Variants in TLE6 observed in about 807,000 individuals in gnomAD.
The protein encoded by TLE6 is TLE family member 6, subcortical maternal complex member, also known as transducin-like enhancer protein 6.
TLE6 carries 72 observed loss-of-function variants against 77.1 expected under a neutral mutation model. The ratio of observed to expected loss-of-function variants is 0.93; its 90% CI spans 0.77 to 1.14. The LOEUF is 1.14. TLE6 is among the 50% of genes most tolerant of loss of function. The probability of loss-of-function intolerance (pLI) is 0.00; values close to 1 mark genes in which losing one functional copy is unlikely to be tolerated. For missense variants in TLE6, 843 were observed against 747.6 expected (o/e 1.13, Z -1.49); for synonymous variants, 366 against 287.3 (o/e 1.27, Z -2.77).
chr19:2,981,231 G>T (rs947535155), intron 3 of TLE6, among the ~76,000 whole-genome samples: 11 of 151,212 alleles, frequency 7.3e-5, no homozygotes, highest in Non-Finnish European at 1.6e-4. Flanking sequence ...GTGGTGGCAG[G>T]TGTCTGTAAT....
rs1197434081 is a variant in TLE6 at position 2,995,001 on chromosome 19, C to T, written c.1716C>T (p.Tyr572=). 3 of 1,601,144 alleles carry T rather than the reference C, an allele frequency of 1.9e-6. No individual in the cohort carries two copies. Among genetic ancestry groups the T allele is most frequent in the African/African-American group, 1.3e-5 (1 of 74,736 alleles). The change falls in exon 17 of 17, where the codon TAC becomes TAT. Residue 572 remains tyrosine (Y), a synonymous_variant. Coordinates refer to ENST00000246112, the MANE Select transcript of TLE6 (RefSeq NM_001143986.2). ...ACGCCTCCGTGTACCAGATCACCTA[C>T]TGAGGGGCCTCGCTGCTGTCATCCC... The part of the protein sequence containing the change: ...GEHASVYQIT[Y]
chr19:2,992,813 G>GC (rs2089106461), intron 14 of TLE6, among the ~76,000 whole-genome samples: 1 of 44,320 alleles, frequency 2.3e-5, no homozygotes, highest in Non-Finnish European at 6.0e-5. Context: ...GCGGGTGGGG[G>GC]GGGGGGAGGA....
chr19:2,978,620 G>A (rs1407960296), intron 2 of TLE6, among the ~76,000 whole-genome samples: 1 of 152,242 alleles, frequency 6.6e-6, no homozygotes, highest in Middle Eastern at 3.4e-3. Flanking sequence ...GCTGGGCCTA[G>A]TGACGTGGGC....
chr19:2,980,653 T>C (rs2088779408), intron 3 of TLE6, among the ~76,000 whole-genome samples: 1 of 151,174 alleles, frequency 6.6e-6, no homozygotes, highest in African/African-American at 2.4e-5. Flanking sequence ...GGAGAATCTC[T>C]TGAACCCAGG....
chr19:2,980,337 G>A, intron 3 of TLE6, 155 bp downstream of exon 3: 1 of 507,292 alleles, frequency 2.0e-6, no homozygotes, highest in Non-Finnish European at 3.5e-6. Flanking sequence ...GGAGAACCCG[G>A]CAATACCCAT....
At position 2,987,389 on chromosome 19, in the gene TLE6, A is replaced by G; in HGVS notation, c.558+17A>G. ...CCAGGCCTGGTGAGTAAACAACCTC[A>G]GCTCTATCCAGAGGGGTGGGCTTCC... On this transcript the variant is annotated intron_variant, in intron 8 of 16. Coordinates refer to ENST00000246112, the MANE Select transcript of TLE6 (RefSeq NM_001143986.2). 2 of 1,613,186 alleles carry G rather than the reference A, an allele frequency of 1.2e-6. No individual in the cohort carries two copies. The highest frequency in any genetic ancestry group is 1.9e-4 in the Middle Eastern group (1 of 5,370).
intron 1 of TLE6, 102 bp from the exon 2 acceptor site, chr19:2,978,096 C>A: frequency 1.2e-6 from 1 of 833,442 alleles, no homozygotes; most frequent in Non-Finnish European, 1.9e-6. Context: ...TCCCTGGAGA[C>A]TTACCAAACT....
Position 2,989,924 on chromosome 19 carries a change from C to G in TLE6, c.1244+139C>G, listed in dbSNP as rs191570032. 7.3e-5 allele frequency: 87 copies of G among 1,198,898 alleles called. 1 individual carries two copies. The African/African-American group carries it at 8.4e-4, about 12-fold the overall frequency. 74.3% of individuals were successfully genotyped at this position (1,198,898 alleles called of 1,614,324 possible). ...ATATAGCACTCTCCCAGCCAAAACC[C>G]CTTGCCCCCTTGAACTTGGATTTGA... On this transcript the variant is annotated intron_variant, in intron 13 of 16. Transcript: ENST00000246112.
intron 13 of TLE6, among the ~76,000 whole-genome samples, chr19:2,990,749 C>G (rs143142354): frequency 0.012 from 1,737 of 150,506 alleles, 12 homozygotes; most frequent in Non-Finnish European, 0.017. Flanking sequence ...ACCTGTAATC[C>G]CAGCACTTTG....
intron 2 of TLE6, among the ~76,000 whole-genome samples, chr19:2,978,604 G>A (rs1027536872): frequency 6.6e-6 from 1 of 152,044 alleles, no homozygotes; most frequent in African/African-American, 2.4e-5. Flanking sequence ...AAAACTAGAA[G>A]AATCAGCTGG....
intron 11 of TLE6, 68 bp from the exon 12 acceptor site, chr19:2,988,993 A>AT (rs1279495653): frequency 1.0e-5 from 16 of 1,590,790 alleles, no homozygotes; most frequent in Non-Finnish European, 1.4e-5. Context: ...CTAGGCCTTG[A>AT]TGTGTGGCTC....
At chr19:2,981,700 G>C in intron 4 of TLE6, 117 bp downstream of exon 4, 2 of 1,122,038 alleles carry the variant, frequency 1.8e-6, no homozygotes, top group South Asian at 2.7e-5. Context: ...GCCAAGCACT[G>C]TGCCTCACGC....
intron 16 of TLE6, among the ~76,000 whole-genome samples, 165 bp from the exon 17 acceptor site, chr19:2,994,735 T>C (rs1280163571): frequency 1.3e-5 from 2 of 151,776 alleles, no homozygotes; most frequent in African/African-American, 2.4e-5. Flanking sequence ...GTCCAGGAGG[T>C]CGAGGCTGCA....
chr19:2,984,493 G>A (rs2088868080), intron 5 of TLE6: 1 of 152,206 alleles, frequency 6.6e-6, no homozygotes, highest in African/African-American at 2.4e-5. Context: ...TGTTTTGACG[G>A]ATCATGCTCC....
Position 2,990,862 on chromosome 19 carries a change from G to A in TLE6, c.1245-981G>A, listed in dbSNP as rs367625491. Among the ~76,000 whole-genome samples, 6 of 151,598 alleles carry A rather than the reference G, an allele frequency of 4.0e-5. No homozygotes were observed. The East Asian group carries it at 5.8e-4, about 15-fold the overall frequency. ...CTAAAAAATATGAAAATTAGCCGGC[G>A]TGGTGGCACATGCCTGTAATCCCAG... On this transcript the variant is annotated intron_variant, in intron 13 of 16. Transcript: ENST00000246112.
At chr19:2,992,961 G>A (rs934314708) in intron 14 of TLE6, among the ~76,000 whole-genome samples, 1 of 150,268 alleles carries the variant, frequency 6.7e-6, no homozygotes, top group African/African-American at 2.5e-5. Context: ...GGCCAAGGCG[G>A]GTGGATCATT....
intron 16 of TLE6, 24 bp downstream of exon 16, chr19:2,994,119 G>C (rs753184747): frequency 6.3e-7 from 1 of 1,584,272 alleles, no homozygotes. Context: ...CTGGGGGCAG[G>C]ACCCGGGGGT....
intron 5 of TLE6, among the ~76,000 whole-genome samples, chr19:2,984,810 G>A (rs1051161833): frequency 6.6e-6 from 1 of 151,904 alleles, no homozygotes; most frequent in Non-Finnish European, 1.5e-5. Flanking sequence ...CATTCCATAT[G>A]CATGACTATA....
chr19:2,988,228 G>GT (rs1235548160), intron 11 of TLE6, 100 bp downstream of exon 11: 111 of 1,234,414 alleles, frequency 9.0e-5, no homozygotes, highest in Non-Finnish European at 1.2e-4. Context: ...GAACAGAGGT[G>GT]TAAGACTTTC....
Sources: allele counts gnomAD v4.1 joint callset (sites outside exome capture counted in the v4.1 genomes callset), GRCh38; gene constraint gnomAD v4.1.1; transcripts MANE v1.5; gene names NCBI Gene and HGNC (gene_info 2026-07-23, HGNC 2026-07-21).